Variants in OSMR observed in about 807,000 individuals in gnomAD.
OSMR encodes the protein oncostatin-M-specific receptor subunit beta.
A neutral mutation model predicts 99.9 loss-of-function variants in OSMR; 81 were observed. That is an observed-to-expected ratio of 0.81 (90% CI 0.68 to 0.97). OSMR has a LOEUF of 0.97. OSMR is among the 50% of genes least tolerant of loss of function. OSMR has a pLI of 0.00. For missense variants in OSMR, 1,099 were observed against 1,153.4 expected, an observed-to-expected ratio of 0.95 and a Z score of 0.68; for synonymous variants, 406 against 410.4, an observed-to-expected ratio of 0.99 and a Z score of 0.13.
chr5:38,904,020 T>G lies in OSMR; in HGVS notation c.1130T>G (p.Met377Arg), dbSNP rs768938907. ...QIELHGEGKM[M>R]QYNVSIKVNG... Reference sequence around the variant, plus strand: ...GAACTCCATGGTGAAGGAAAAATGATGCAAGTAAGAACCCTGCTTAATTTT... The same window carrying G: ...GAACTCCATGGTGAAGGAAAAATGAGGCAAGTAAGAACCCTGCTTAATTTT... Residue 377 changes from methionine to arginine, a missense_variant, in exon 8 of 18, where the codon ATG (methionine) becomes AGG (arginine). Coordinates refer to ENST00000274276, the MANE Select transcript of OSMR (RefSeq NM_003999.3). 1.1e-5 allele frequency: 17 copies of G among 1,613,962 alleles called. No individual in the cohort carries two copies. In the South Asian group the frequency reaches 1.6e-4, roughly 16 times the overall value.
chr5:38,848,808 C>T (rs1304295834), intron 1 of OSMR, among the ~76,000 whole-genome samples: 1 of 152,164 alleles, frequency 6.6e-6, no homozygotes, highest in Non-Finnish European at 1.5e-5. Context: ...TGGTCTCACT[C>T]TGTCACACAG....
At chr5:38,862,248 A>AC (rs1420558145) in intron 1 of OSMR, among the ~76,000 whole-genome samples, 14 of 90,316 alleles carry the variant, frequency 1.6e-4, no homozygotes, top group East Asian at 5.6e-4. Context: ...CGGGGGGCTG[A>AC]CCCCCTACCT....
At chr5:38,889,034 A>G (rs1743981010) in intron 7 of OSMR, among the ~76,000 whole-genome samples, 2 of 152,136 alleles carry the variant, frequency 1.3e-5, no homozygotes, top group South Asian at 2.1e-4. Context: ...TGAAAAGCCT[A>G]GTAGTAATGA....
intron 11 of OSMR, among the ~76,000 whole-genome samples, chr5:38,920,899 A>G (rs1201537522): frequency 6.6e-6 from 1 of 152,248 alleles, no homozygotes; most frequent in Non-Finnish European, 1.5e-5. Context: ...TATAAAATAT[A>G]TTGACATGGC....
Position 38,933,607 on chromosome 5 carries a change from G to GAACTT in OSMR, c.*167_*171dup, listed in dbSNP as rs1427801364. ...GCTAGGTTAAAGGCCAGAGGCTATG[G>GAACTT]AACTTAACACTCCCCATTGGAGCAA... On this transcript the variant is annotated 3_prime_UTR_variant, in exon 18 of 18. Transcript: ENST00000274276. The GAACTT allele has an allele frequency of 1.2e-5, 9 of 728,386 alleles. No homozygotes were observed. The East Asian group carries it at 2.2e-4, about 17-fold the overall frequency. The allele number at this position is 728,386 out of a possible 1,614,324, so 45.1% of individuals were successfully genotyped here. A position where few individuals can be genotyped will look rare whatever the true frequency, so the allele number is the denominator to read the frequency against.
chr5:38,917,603 C>T lies in OSMR; in HGVS notation c.1343C>T (p.Thr448Ile), dbSNP rs971359882. ...GTGAGCTTGGAGCCAGGAAATCATA[C>T]TGTGACCTTATTCTGGAAGGTAAGA... is the stretch of plus-strand genomic sequence containing the variant. The part of the protein sequence containing the change: ...RIVSLEPGNH[T>I]VTLFWKPLSK... The change falls in exon 10 of 18, where the codon ACT (threonine) becomes ATT (isoleucine). Residue 448 changes from threonine to isoleucine, a missense_variant. Thr to Ile is a moderately conservative substitution (Grantham distance 89). Coordinates refer to ENST00000274276, the MANE Select transcript of OSMR (RefSeq NM_003999.3). 5.6e-6 allele frequency: 9 copies of T among 1,613,122 alleles called. No homozygotes were observed. Among genetic ancestry groups the T allele is most frequent in the African/African-American group, 1.3e-5 (1 of 75,038 alleles).
intron 1 of OSMR, among the ~76,000 whole-genome samples, chr5:38,866,514 C>T (rs1031605578): frequency 2.6e-5 from 4 of 152,144 alleles, no homozygotes; most frequent in African/African-American, 7.2e-5. Context: ...CAGTTGTTCC[C>T]CCGGGTATAG....
chr5:38,881,501 G>A (rs2278324), intron 3 of OSMR, 92 bp from the exon 4 acceptor site: 1 of 1,609,550 alleles, frequency 6.2e-7, no homozygotes, highest in African/African-American at 1.3e-5. Flanking sequence ...CTGCAATGGG[G>A]TCTTAGGTTT....
chr5:38,921,476 C>T, intron 11 of OSMR, 139 bp from the exon 12 acceptor site: 3 of 1,506,866 alleles, frequency 2.0e-6, no homozygotes, highest in Admixed American at 4.1e-5. Context: ...ATCCCCCACC[C>T]AAGCACCTGT....
chr5:38,909,382 C>T (rs549403625), intron 9 of OSMR, among the ~76,000 whole-genome samples: 97 of 152,242 alleles, frequency 6.4e-4, no homozygotes, highest in Middle Eastern at 3.4e-3. Context: ...CTGTGAGGTA[C>T]TATACAAGAT....
At chr5:38,906,583 C>T (rs1453875606) in intron 9 of OSMR, among the ~76,000 whole-genome samples, 3 of 152,110 alleles carry the variant, frequency 2.0e-5, no homozygotes, top group Non-Finnish European at 4.4e-5. Flanking sequence ...GATATTGTCC[C>T]TGAGTATTTC....
In OSMR at chr5:38,862,365, G is replaced by A. The variant is rs1375511012; in HGVS notation, c.-13-6667G>A. On this transcript the variant is annotated intron_variant, in intron 1 of 17. Transcript: ENST00000274276. ...GGGCTCCTCACTTCCCAGTAGGGGC[G>A]GCCGGGCAGAGGCGCCCCTCACCTC... Among the ~76,000 whole-genome samples the A allele has an allele frequency of 2.3e-4, 25 of 110,576 alleles. 1 individual carries two copies. In the South Asian group the frequency reaches 9.0e-3, roughly 40 times the overall value. The allele number at this position is 110,576 out of a possible 152,430, so 72.5% of individuals were successfully genotyped here. A position where few individuals can be genotyped will look rare whatever the true frequency, so the allele number is the denominator to read the frequency against.
chr5:38,874,227 G>T (rs937974627), intron 2 of OSMR, among the ~76,000 whole-genome samples: 1 of 151,850 alleles, frequency 6.6e-6, no homozygotes, highest in Non-Finnish European at 1.5e-5. Context: ...TTATTTTATT[G>T]TCTATTTGTT....
chr5:38,879,579 TC>T (rs1336611761), intron 3 of OSMR, among the ~76,000 whole-genome samples: 1 of 151,636 alleles, frequency 6.6e-6, no homozygotes, highest in East Asian at 1.9e-4. Flanking sequence ...TTGATGTACT[TC>T]CTTCTAGCAG....
intron 14 of OSMR, 37 bp from the exon 15 acceptor site, chr5:38,925,167 T>C: frequency 6.2e-7 from 1 of 1,612,754 alleles, no homozygotes; most frequent in Non-Finnish European, 8.5e-7. Context: ...TAAAATCTTT[T>C]TTTTCCTTGA....
intron 15 of OSMR, among the ~76,000 whole-genome samples, chr5:38,926,436 G>A (rs1408387325): frequency 6.6e-6 from 1 of 152,188 alleles, no homozygotes; most frequent in Non-Finnish European, 1.5e-5. Flanking sequence ...ACATGGCTGG[G>A]GAGGCCTTAG....
intron 6 of OSMR, 27 bp downstream of exon 6, chr5:38,885,511 A>T (rs1206298160): frequency 6.2e-7 from 1 of 1,613,682 alleles, no homozygotes; most frequent in South Asian, 1.1e-5. Flanking sequence ...TACATTATTG[A>T]CAACTTCTTC....
intron 9 of OSMR, among the ~76,000 whole-genome samples, chr5:38,907,041 G>T (rs939000933): frequency 6.6e-6 from 1 of 152,174 alleles, no homozygotes; most frequent in African/African-American, 2.4e-5. Flanking sequence ...GAAGTTGGAG[G>T]TCCTAGCCAG....
intron 6 of OSMR, among the ~76,000 whole-genome samples, 154 bp downstream of exon 6, chr5:38,885,638 C>G (rs1271623418): frequency 6.6e-6 from 1 of 152,164 alleles, no homozygotes; most frequent in Non-Finnish European, 1.5e-5. Context: ...TAAGTGGTGA[C>G]AAGTGTCTAA....
Sources: allele counts gnomAD v4.1 joint callset (sites outside exome capture counted in the v4.1 genomes callset), GRCh38; gene constraint gnomAD v4.1.1; transcripts MANE v1.5; gene names NCBI Gene and HGNC (gene_info 2026-07-23, HGNC 2026-07-21).